Variants in TMCO5A observed in about 807,000 individuals in gnomAD.
The protein encoded by TMCO5A is transmembrane and coiled-coil domain-containing protein 5A.
TMCO5A carries 34 observed loss-of-function variants against 42.3 expected under a neutral mutation model. The ratio of observed to expected loss-of-function variants is 0.80; its 90% CI spans 0.61 to 1.07. TMCO5A has a LOEUF of 1.07. TMCO5A is among the 50% of genes least tolerant of loss of function. The probability of loss-of-function intolerance (pLI) is 0.00; values close to 1 mark genes in which losing one functional copy is unlikely to be tolerated. For synonymous variants in TMCO5A, 131 were observed against 115.6 expected, an observed-to-expected ratio of 1.13 and a Z score of -0.86; for missense variants, 357 against 327.9, an observed-to-expected ratio of 1.09 and a Z score of -0.69.
chr15:37,971,939 C>A (rs1206847577), downstream of TMCO5A, among the ~76,000 whole-genome samples: 1 of 152,214 alleles, frequency 6.6e-6, no homozygotes, highest in African/African-American at 2.4e-5. Context: ...TTCCTGTCTT[C>A]TTCTGTGCCC....
downstream of TMCO5A, among the ~76,000 whole-genome samples, chr15:37,971,765 T>A (rs984806623): frequency 3.9e-5 from 6 of 152,180 alleles, no homozygotes; most frequent in Non-Finnish European, 8.8e-5. Flanking sequence ...GCTGCCAGTC[T>A]CTTTGCTAAA....
chr15:38,007,939 A>G, the TMCO5A span, among the ~76,000 whole-genome samples: 19 of 112,846 alleles, frequency 1.7e-4, no homozygotes, highest in Non-Finnish European at 2.5e-4. Context: ...TCTGTTGCCC[A>G]GGCTGGAGTG....
chr15:37,939,841 G>A (rs538025373), intron 6 of TMCO5A, among the ~76,000 whole-genome samples: 34 of 151,998 alleles, frequency 2.2e-4, no homozygotes, highest in African/African-American at 5.3e-4. Context: ...ATATCCCTTA[G>A]CACATTTGGC....
the TMCO5A span, among the ~76,000 whole-genome samples, chr15:38,005,322 T>A: frequency 3.3e-5 from 4 of 122,420 alleles, no homozygotes; most frequent in African/African-American, 9.5e-5. Context: ...ATGCCTATAA[T>A]CCCAGTTCTT....
In TMCO5A at chr15:37,936,483, G is replaced by A. The variant is rs1889515952; in HGVS notation, c.140+20G>A. The A allele has an allele frequency of 6.2e-7, 1 of 1,600,128 alleles. No individual in the cohort carries two copies. Among genetic ancestry groups the A allele is most frequent in the Non-Finnish European group, 8.5e-7 (1 of 1,175,662 alleles). On this transcript the variant is annotated intron_variant, in intron 3 of 11. Transcript: ENST00000319669. ...TCAGAGGTGAGTATTAAGGTTTCAT[G>A]AGGGAAGTTCCCAATCCAAAGAAGG...
At chr15:38,028,796 G>A in the TMCO5A span, among the ~76,000 whole-genome samples, 1 of 152,160 alleles carries the variant, frequency 6.6e-6, no homozygotes, top group Non-Finnish European at 1.5e-5. Context: ...GCAGCTCAAG[G>A]TAACACCTTG....
At chr15:38,000,976 C>T in the TMCO5A span, among the ~76,000 whole-genome samples, 5 of 152,066 alleles carry the variant, frequency 3.3e-5, no homozygotes, top group African/African-American at 1.2e-4. Flanking sequence ...TATTCTGCAA[C>T]CATTGGATGA....
intron 6 of TMCO5A, 108 bp from the exon 7 acceptor site, chr15:37,941,041 T>C: frequency 1.0e-6 from 1 of 954,250 alleles, no homozygotes; most frequent in African/African-American, 1.6e-5. Context: ...ACGTGTGAAG[T>C]CATGGCCCTG....
chr15:37,941,074 C>A lies in TMCO5A; in HGVS notation c.388-75C>A, dbSNP rs951030255. 3.2e-5 allele frequency: 46 copies of A among 1,452,156 alleles called. No individual in the cohort carries two copies. The East Asian group carries it at 1.1e-3, about 33-fold the overall frequency. 90.0% of individuals were successfully genotyped at this position (1,452,156 alleles called of 1,614,324 possible). A position where few individuals can be genotyped will look rare whatever the true frequency, so the allele number is the denominator to read the frequency against. The stretch of plus-strand genomic sequence containing the variant: ...CTGAGGCTCCTCACAGCTCGTGAGG[C>A]CACCTTGGTGACAGCATTCCATTCC... On this transcript the variant is annotated intron_variant, in intron 6 of 11. Coordinates refer to ENST00000319669, the MANE Select transcript of TMCO5A (RefSeq NM_152453.4).
chr15:38,028,810 G>T, the TMCO5A span, among the ~76,000 whole-genome samples: 2 of 152,118 alleles, frequency 1.3e-5, no homozygotes, highest in Admixed American at 6.6e-5. Flanking sequence ...CACCTTGTGC[G>T]CCTGCAAAGG....
intron 11 of TMCO5A, among the ~76,000 whole-genome samples, chr15:37,957,555 G>A (rs995515054): frequency 3.9e-5 from 6 of 152,064 alleles, no homozygotes; most frequent in Non-Finnish European, 4.4e-5. Context: ...AACTCTTCAA[G>A]GAGAACTACA....
At chr15:37,995,563 G>A in the TMCO5A span, among the ~76,000 whole-genome samples, 5 of 152,152 alleles carry the variant, frequency 3.3e-5, no homozygotes, top group Admixed American at 6.5e-5. Flanking sequence ...AACTTCCACC[G>A]AAGAGCCCAG....
chr15:37,961,477 T>C (rs1308575236), intron 11 of TMCO5A, among the ~76,000 whole-genome samples: 1 of 152,188 alleles, frequency 6.6e-6, no homozygotes, highest in East Asian at 1.9e-4. Flanking sequence ...GGTAGTGTCA[T>C]GCCTCCAGAT....
At chr15:37,975,041 A>T in the TMCO5A span, among the ~76,000 whole-genome samples, 36,929 of 152,026 alleles carry the variant, frequency 0.24, 10,136 homozygotes, top group African/African-American at 0.68. Flanking sequence ...TCCATGTAAC[A>T]GTGTGCTTTT....
downstream of TMCO5A, among the ~76,000 whole-genome samples, chr15:37,952,312 G>C (rs1890179050): frequency 6.6e-6 from 1 of 152,030 alleles, no homozygotes; most frequent in Non-Finnish European, 1.5e-5. Context: ...CTCCAAAAGA[G>C]ACCGTTTCCG....
the TMCO5A span, among the ~76,000 whole-genome samples, chr15:37,977,707 C>G: frequency 0.02 from 2,999 of 152,318 alleles, 103 homozygotes; most frequent in African/African-American, 0.068. Flanking sequence ...TTGGGGCAAG[C>G]TCAGCCTTTA....
chr15:37,976,849 A>G, the TMCO5A span, among the ~76,000 whole-genome samples: 1 of 142,458 alleles, frequency 7.0e-6, no homozygotes, highest in Admixed American at 7.4e-5. Flanking sequence ...GCAATAGCAC[A>G]ATCTCGGCTC....
intron 6 of TMCO5A, among the ~76,000 whole-genome samples, chr15:37,938,532 G>A (rs1475503932): frequency 2.6e-5 from 4 of 151,978 alleles, no homozygotes; most frequent in Non-Finnish European, 4.4e-5. Context: ...TGTGAAGTTG[G>A]GTAATTTAAT....
chr15:37,978,794 A>G, the TMCO5A span, among the ~76,000 whole-genome samples: 1 of 150,180 alleles, frequency 6.7e-6, no homozygotes, highest in African/African-American at 2.5e-5. Flanking sequence ...TTTATAAAGA[A>G]AAGAGGTTTA....
Sources: allele counts gnomAD v4.1 joint callset (sites outside exome capture counted in the v4.1 genomes callset), GRCh38; gene constraint gnomAD v4.1.1; transcripts MANE v1.5; gene names NCBI Gene and HGNC (gene_info 2026-07-23, HGNC 2026-07-21).